Variants in INPP4B observed in about 807,000 individuals in gnomAD.
The protein encoded by INPP4B is inositol polyphosphate 4-phosphatase type II.
INPP4B carries 55 observed loss-of-function variants against 122.5 expected under a neutral mutation model. That is an observed-to-expected ratio of 0.45 (90% CI 0.36 to 0.56). INPP4B has a LOEUF of 0.56. Among genes scored for constraint, INPP4B ranks in the 20% least tolerant of loss-of-function variants. INPP4B has a pLI of 0.00. For missense variants in INPP4B, 1,000 were observed against 1,097.7 expected (o/e 0.91, Z 1.26); for synonymous variants, 403 against 388.7 (o/e 1.04, Z -0.43).
At chr4:142,143,704 C>A (rs546114153) in intron 18 of INPP4B, among the ~76,000 whole-genome samples, 16 of 152,152 alleles carry the variant, frequency 1.1e-4, no homozygotes, top group African/African-American at 3.9e-4. Flanking sequence ...TTCTGACAAT[C>A]TAACTTATGG....
At chr4:142,772,913 G>A (rs1261307800) in intron 1 of INPP4B, among the ~76,000 whole-genome samples, 1 of 152,018 alleles carries the variant, frequency 6.6e-6, no homozygotes, top group Non-Finnish European at 1.5e-5. Context: ...GGGTGTGGTG[G>A]CACACACCTT....
Position 142,174,209 on chromosome 4 carries a change from A to G in INPP4B, c.1182-400T>C, listed in dbSNP as rs562112182. Among the ~76,000 whole-genome samples, 41 of 152,248 alleles carry G rather than the reference A, an allele frequency of 2.7e-4. 1 individual carries two copies. Among genetic ancestry groups the G allele is most frequent in the South Asian group, 1.7e-3 (8 of 4,824 alleles). On this transcript the variant is annotated intron_variant, in intron 15 of 25. Coordinates refer to ENST00000262992, the MANE Select transcript of INPP4B (RefSeq NM_001101669.3). ...TGGGAAAAGATTCAAGCCAATCTCAATGTAAATCCTGGTTTGTCACTAACT... is the reference window on the plus strand; with the variant it reads ...TGGGAAAAGATTCAAGCCAATCTCAGTGTAAATCCTGGTTTGTCACTAACT...
At chr4:142,417,513 C>T (rs1188376812) in intron 5 of INPP4B, among the ~76,000 whole-genome samples, 1 of 152,014 alleles carries the variant, frequency 6.6e-6, no homozygotes, top group East Asian at 1.9e-4. Context: ...GTATTAAATT[C>T]CTAACAATGT....
At chr4:142,031,715 A>AT (rs1463027840) in intron 25 of INPP4B, among the ~76,000 whole-genome samples, 1 of 152,140 alleles carries the variant, frequency 6.6e-6, no homozygotes, top group Non-Finnish European at 1.5e-5. Context: ...AGGCATTGAT[A>AT]TTTTTTAAAG....
chr4:142,778,073 A>G (rs1281160613), intron 1 of INPP4B, among the ~76,000 whole-genome samples: 2 of 152,206 alleles, frequency 1.3e-5, no homozygotes, highest in Non-Finnish European at 2.9e-5. Flanking sequence ...CTATTACACC[A>G]TGTTAGCCAT....
intron 23 of INPP4B, among the ~76,000 whole-genome samples, chr4:142,100,324 T>A (rs1389565989): frequency 1.3e-5 from 2 of 152,226 alleles, no homozygotes; most frequent in Non-Finnish European, 2.9e-5. Flanking sequence ...TTTCTATGGC[T>A]CCAGCTCCCA....
In INPP4B at chr4:142,384,077, C is replaced by G. The variant is rs1022825851; in HGVS notation, c.372+18861G>C. 5.7e-6 allele frequency: 4 copies of G among 701,958 alleles called. No individual in the cohort carries two copies. The Admixed American group carries it at 6.0e-5, about 11-fold the overall frequency. 43.5% of individuals were successfully genotyped at this position (701,958 alleles called of 1,614,324 possible). On this transcript the variant is annotated intron_variant, in intron 7 of 25. Transcript: ENST00000262992. ...CAAGTTGTCTCAGCTCTGAGGACCT[C>G]AAGATCCACTTATACTCAAATTCTG...
At chr4:142,173,931 T>A in intron 15 of INPP4B, 122 bp from the exon 16 acceptor site, 3 of 804,424 alleles carry the variant, frequency 3.7e-6, no homozygotes, top group Non-Finnish European at 6.0e-6. Context: ...ATAAGAACTG[T>A]CCTAAGAGAT....
At chr4:142,227,189 C>T (rs1851931915) in intron 12 of INPP4B, among the ~76,000 whole-genome samples, 1 of 152,046 alleles carries the variant, frequency 6.6e-6, no homozygotes, top group Admixed American at 6.5e-5. Context: ...TGAAGAAACA[C>T]CAGTCTGTAA....
chr4:142,317,719 T>C (rs1397750966), intron 7 of INPP4B, among the ~76,000 whole-genome samples: 2 of 152,234 alleles, frequency 1.3e-5, no homozygotes. Flanking sequence ...CTTCTTGAGC[T>C]AAATGTCACT....
At chr4:142,472,467 T>C (rs1205572141) in intron 2 of INPP4B, among the ~76,000 whole-genome samples, 3 of 152,194 alleles carry the variant, frequency 2.0e-5, no homozygotes, top group African/African-American at 4.8e-5. Context: ...ATTCTGTCTC[T>C]TGATTATATG....
At chr4:142,722,202 T>C (rs1028113075) in intron 2 of INPP4B, among the ~76,000 whole-genome samples, 1 of 152,064 alleles carries the variant, frequency 6.6e-6, no homozygotes, top group East Asian at 1.9e-4. Context: ...TAAGTGTGAG[T>C]GAATGTAGTG....
At chr4:142,658,014 G>C (rs1165745544) in intron 2 of INPP4B, among the ~76,000 whole-genome samples, 13 of 152,092 alleles carry the variant, frequency 8.5e-5, no homozygotes, top group Admixed American at 8.5e-4. Context: ...AATCTTCTTA[G>C]AAAATAATGT....
intron 2 of INPP4B, among the ~76,000 whole-genome samples, chr4:142,543,151 C>T (rs1255684566): frequency 6.6e-6 from 1 of 152,114 alleles, no homozygotes; most frequent in Non-Finnish European, 1.5e-5. Flanking sequence ...CAAATTAAAG[C>T]ACAATATTCT....
In INPP4B at chr4:142,841,038, C is replaced by CT. The variant is rs146850655; in HGVS notation, c.-254+5170dup. ...TGTTAAGGAAGACAAGAAATTTTTA[C>CT]TTTTTTAAAAAAAAGTGATTTTTAA... On this transcript the variant is annotated intron_variant, in intron 1 of 25. Coordinates refer to ENST00000262992, the MANE Select transcript of INPP4B (RefSeq NM_001101669.3). Among the ~76,000 whole-genome samples the CT allele has an allele frequency of 8.9e-3, 1,350 of 152,010 alleles. 18 individuals are homozygous for CT. The highest frequency in any genetic ancestry group is 0.031 in the African/African-American group (1,294 of 41,512).
At chr4:142,314,098 G>C (rs1293440753) in intron 8 of INPP4B, among the ~76,000 whole-genome samples, 1 of 152,156 alleles carries the variant, frequency 6.6e-6, no homozygotes, top group Non-Finnish European at 1.5e-5. Flanking sequence ...TGAACACACA[G>C]ATCGCAGGGA....
chr4:142,071,366 C>T (rs1252312521), intron 25 of INPP4B, among the ~76,000 whole-genome samples: 1 of 152,044 alleles, frequency 6.6e-6, no homozygotes, highest in African/African-American at 2.4e-5. Context: ...AACATTAGAC[C>T]TAAAACCATA....
At chr4:142,518,484 T>C (rs1345327829) in intron 2 of INPP4B, among the ~76,000 whole-genome samples, 2 of 152,150 alleles carry the variant, frequency 1.3e-5, no homozygotes, top group African/African-American at 4.8e-5. Flanking sequence ...ACATGCTATG[T>C]CTTTCCCTCC....
intron 25 of INPP4B, chr4:142,030,451 A>G (rs1739147485): frequency 5.7e-6 from 4 of 700,924 alleles, no homozygotes; most frequent in Non-Finnish European, 9.2e-6. Context: ...AATTTCCCCA[A>G]ATGCATCTTG....
Sources: gnomAD v4.1 joint callset for allele counts (sites outside exome capture counted in the v4.1 genomes callset) on GRCh38, gnomAD v4.1.1 for gene constraint, MANE v1.5 for transcripts, NCBI Gene and HGNC (gene_info 2026-07-23, HGNC 2026-07-21) for gene names.